Variants in FGF17 observed in about 807,000 individuals in gnomAD.
The protein encoded by FGF17 is fibroblast growth factor 17.
A neutral mutation model predicts 23.5 loss-of-function variants in FGF17; 5 were observed. That is an observed-to-expected ratio of 0.21 (90% CI 0.11 to 0.45). The LOEUF (loss-of-function observed/expected upper bound fraction) is 0.45, where lower values mean the gene tolerates loss of function less well. Among genes scored for constraint, FGF17 ranks in the 20% least tolerant of loss-of-function variants. FGF17 has a pLI of 0.99. For missense variants in FGF17, 221 were observed against 306.9 expected, an observed-to-expected ratio of 0.72 and a Z score of 2.09; for synonymous variants, 136 against 123.0, an observed-to-expected ratio of 1.11 and a Z score of -0.70.
chr8:22,046,329 C>CA (rs1315140735), intron 3 of FGF17, 38 bp downstream of exon 3: 1 of 1,593,344 alleles, frequency 6.3e-7, no homozygotes, highest in East Asian at 2.2e-5. Flanking sequence ...CCCACACCTC[C>CA]ACTCTGCCTC....
rs1292725565 is a variant in FGF17 at position 22,043,231 on chromosome 8, A to C, written c.72+50A>C. On this transcript the variant is annotated intron_variant, in intron 2 of 4. Coordinates refer to ENST00000359441, the MANE Select transcript of FGF17 (RefSeq NM_003867.4). ...TCCCCCAATTTTTCCACCCTACCTG[A>C]CCAGGGCGGGTGCAAGGGACCGGCT... The C allele has an allele frequency of 3.8e-6, 6 of 1,583,350 alleles. No homozygotes were observed. The East Asian group carries it at 1.3e-4, about 35-fold the overall frequency.
In FGF17 at chr8:22,048,381, C is replaced by A; in HGVS notation, c.*132C>A. 1 of 833,514 alleles carries A rather than the reference C, an allele frequency of 1.2e-6. No homozygotes were observed. Among genetic ancestry groups the A allele is most frequent in the African/African-American group, 1.7e-5 (1 of 58,406 alleles). The allele number at this position is 833,514 out of a possible 1,614,324, so 51.6% of individuals were successfully genotyped here. The stretch of plus-strand genomic sequence containing the variant: ...AGGACCCTGAGGGCCGCGAAGCATC[C>A]GAGCCCCCAGCTGGGAAGGGGCAGG... On this transcript the variant is annotated 3_prime_UTR_variant, in exon 5 of 5. Transcript: ENST00000359441. The surrounding 1 kb of genome is among the most constrained non-coding windows in gnomAD (Gnocchi z 6.9).
chr8:22,043,258 CT>C (rs1259166285), intron 2 of FGF17, 77 bp downstream of exon 2: 27 of 1,431,090 alleles, frequency 1.9e-5, no homozygotes, highest in Non-Finnish European at 2.6e-5. Flanking sequence ...GGACCGGCTC[CT>C]TTCAGGTGGA....
chr8:22,045,262 A>C, intron 2 of FGF17: 1 of 985,756 alleles, frequency 1.0e-6, no homozygotes, highest in Non-Finnish European at 1.2e-6. Context: ...CCAACTGGCC[A>C]GGAGCCTCTG....
At position 22,046,126 on chromosome 8, in the gene FGF17, CCGT is replaced by C. The variant is rs765180441; in HGVS notation, c.87_89del (p.Ser30del). ...GGTAACCGCAAAGGGGGAGAATCACCCGTCTCCTAATTTTAACCAGTACGTGAG... is the reference window on the plus strand; with the variant it reads ...GGTAACCGCAAAGGGGGAGAATCACCCTCCTAATTTTAACCAGTACGTGAG... On this transcript the variant is annotated inframe_deletion, in exon 3 of 5. Coordinates refer to ENST00000359441, the MANE Select transcript of FGF17 (RefSeq NM_003867.4). 6.2e-7 allele frequency: 1 copy of C among 1,614,044 alleles called. No individual in the cohort carries two copies. The highest frequency in any genetic ancestry group is 1.3e-5 in the African/African-American group (1 of 74,942).
chr8:22,046,362 T>C (rs1341758107), intron 3 of FGF17, 71 bp downstream of exon 3: 2 of 1,552,518 alleles, frequency 1.3e-6, no homozygotes, highest in African/African-American at 2.7e-5. Context: ...CCTCACCTCC[T>C]GGTCCATCCC....
rs530467810 is a variant in FGF17 at position 22,045,436 on chromosome 8, T to C, written c.73-678T>C. The C allele has an allele frequency of 1.8e-5, 18 of 989,860 alleles. No individual in the cohort carries two copies. In the East Asian group the frequency reaches 5.6e-4, roughly 31 times the overall value. The allele number at this position is 989,860 out of a possible 1,614,324, so 61.3% of individuals were successfully genotyped here. ...CAGCCCCAGCCCCAGCTCCAGCCCA[T>C]AGAGGAGGGAGGAACACTGGAAGGG... On this transcript the variant is annotated intron_variant, in intron 2 of 4. Transcript: ENST00000359441.
intron 2 of FGF17, 94 bp from the exon 3 acceptor site, chr8:22,046,020 C>T: frequency 6.2e-7 from 1 of 1,607,608 alleles, no homozygotes; most frequent in Non-Finnish European, 8.5e-7. Flanking sequence ...CCTGTCCCCA[C>T]TATATTCACC....
intron 2 of FGF17, chr8:22,045,402 GCCCAGCCCCAGCCCCAGC>G: frequency 3.0e-6 from 3 of 989,940 alleles, no homozygotes; most frequent in South Asian, 9.0e-5. Context: ...GTCCCATAGT[GCCCAGCCCCAGCCCCAGC>G]CCCAGCTCCA....
At chr8:22,043,674 A>G (rs1388573122) in intron 2 of FGF17, among the ~76,000 whole-genome samples, 1 of 152,128 alleles carries the variant, frequency 6.6e-6, no homozygotes, top group Non-Finnish European at 1.5e-5. Context: ...CCTAGAGGGC[A>G]CAGAGGTCAA....
Position 22,046,454 on chromosome 8 carries a change from G to A in FGF17, c.251-73G>A, listed in dbSNP as rs946253872. 16 of 1,442,014 alleles carry A rather than the reference G, an allele frequency of 1.1e-5. No homozygotes were observed. In the African/African-American group the frequency reaches 2.1e-4, roughly 19 times the overall value. The allele number at this position is 1,442,014 out of a possible 1,614,324, so 89.3% of individuals were successfully genotyped here. ...CCTGAGTCTGGAGGTCAGTGTGGCT[G>A]GGTGGTCCCCTGCTGTAGCCATAGG... On this transcript the variant is annotated intron_variant, in intron 3 of 4. Coordinates refer to ENST00000359441, the MANE Select transcript of FGF17 (RefSeq NM_003867.4).
chr8:22,047,850 G>A (rs1205704287), intron 4 of FGF17, 106 bp from the exon 5 acceptor site: 4 of 1,142,042 alleles, frequency 3.5e-6, no homozygotes, highest in East Asian at 2.5e-5. Flanking sequence ...TCACGGCCCC[G>A]TTGTTCCCGT....
chr8:22,047,084 G>T (rs1180769614), intron 4 of FGF17, among the ~76,000 whole-genome samples: 6 of 151,926 alleles, frequency 3.9e-5, no homozygotes, highest in African/African-American at 1.5e-4. Flanking sequence ...ACGGAGCCCG[G>T]CCTGGTTTCT....
upstream of FGF17, among the ~76,000 whole-genome samples, chr8:22,040,182 C>T (rs747420998): frequency 4.6e-5 from 7 of 152,244 alleles, no homozygotes; most frequent in Non-Finnish European, 8.8e-5. Flanking sequence ...TCTTGTGGCA[C>T]TTGATGCGTT....
At chr8:22,039,917 T>G (rs913350885), upstream of FGF17, among the ~76,000 whole-genome samples, 38 of 151,926 alleles carry the variant, frequency 2.5e-4, no homozygotes, top group Non-Finnish European at 4.1e-4. Flanking sequence ...GCTGGGCTGT[T>G]AGGAGAGGCA....
intron 2 of FGF17, 27 bp from the exon 3 acceptor site, chr8:22,046,087 A>G (rs769056303): frequency 1.9e-6 from 3 of 1,614,010 alleles, no homozygotes; most frequent in East Asian, 2.2e-5. Context: ...GCAAATTGAC[A>G]CTATTTTTCC....
intron 2 of FGF17, 91 bp from the exon 3 acceptor site, chr8:22,046,023 T>C (rs766042391): frequency 1.4e-5 from 22 of 1,609,046 alleles, no homozygotes; most frequent in Non-Finnish European, 1.7e-5. Context: ...GTCCCCACTA[T>C]ATTCACCTCC....
chr8:22,040,007 C>T (rs1363981725), upstream of FGF17, among the ~76,000 whole-genome samples: 3 of 152,156 alleles, frequency 2.0e-5, no homozygotes, highest in Non-Finnish European at 4.4e-5. Flanking sequence ...CAGGCTACTT[C>T]TCAGTTCCCT....
intron 4 of FGF17, among the ~76,000 whole-genome samples, chr8:22,047,595 T>C (rs2129694383): frequency 6.6e-6 from 1 of 152,250 alleles, no homozygotes; most frequent in South Asian, 2.1e-4. Flanking sequence ...GGCTGCTGCC[T>C]CCTCTCCCAT....
Sources: allele counts gnomAD v4.1 joint callset (sites outside exome capture counted in the v4.1 genomes callset), GRCh38; gene constraint gnomAD v4.1.1; non-coding constraint Gnocchi (gnomAD v3.1); transcripts MANE v1.5; gene names NCBI Gene and HGNC (gene_info 2026-07-23, HGNC 2026-07-21).